Variants in SDK2 observed in about 807,000 individuals in gnomAD.
SDK2 encodes protein sidekick-2.
SDK2 carries 105 observed loss-of-function variants against 253.9 expected under a neutral mutation model. That is an observed-to-expected ratio of 0.41 (90% CI 0.35 to 0.49). SDK2 has a LOEUF of 0.49. SDK2 is among the 20% of genes least tolerant of loss of function. SDK2 has a pLI of 0.06. For synonymous variants in SDK2, 1,249 were observed against 1,234.9 expected (o/e 1.01, Z -0.24); for missense variants, 2,608 against 3,003.0 (o/e 0.87, Z 3.07).
chr17:73,408,866 G>A (rs1179373293), intron 18 of SDK2, among the ~76,000 whole-genome samples: 1 of 152,196 alleles, frequency 6.6e-6, no homozygotes, highest in Non-Finnish European at 1.5e-5. Context: ...CGGCAATCAA[G>A]AGAATTTGAA....
chr17:73,538,229 T>A (rs1315089330), intron 1 of SDK2, among the ~76,000 whole-genome samples: 2 of 152,212 alleles, frequency 1.3e-5, no homozygotes, highest in African/African-American at 2.4e-5. Context: ...ACAGGGAAAC[T>A]GAGGCACAGA....
chr17:73,444,794 G>A (rs890981998), intron 5 of SDK2, among the ~76,000 whole-genome samples: 4 of 152,150 alleles, frequency 2.6e-5, no homozygotes, highest in African/African-American at 4.8e-5. Context: ...GGTGGGGCAG[G>A]GGTGTGAGCT....
intron 1 of SDK2, among the ~76,000 whole-genome samples, chr17:73,535,708 G>A (rs1230719109): frequency 6.6e-6 from 1 of 152,164 alleles, no homozygotes; most frequent in Admixed American, 6.5e-5. Context: ...AGTGAGCACC[G>A]GCTCTGGCAC....
chr17:73,527,470 C>A (rs182973314), intron 1 of SDK2, among the ~76,000 whole-genome samples: 3 of 152,258 alleles, frequency 2.0e-5, no homozygotes, highest in Middle Eastern at 3.4e-3. Context: ...CTGGCCCATT[C>A]ACATCTGGCT....
chr17:73,553,976 G>A (rs1378686480), intron 1 of SDK2, among the ~76,000 whole-genome samples: 1 of 152,202 alleles, frequency 6.6e-6, no homozygotes, highest in Non-Finnish European at 1.5e-5. Context: ...GAGGACAGGA[G>A]CATGGAGGGA....
chr17:73,621,692 T>C (rs2046134783), intron 1 of SDK2, among the ~76,000 whole-genome samples: 1 of 151,972 alleles, frequency 6.6e-6, no homozygotes. Flanking sequence ...CTGGATGGGC[T>C]TAACCAAAAC....
chr17:73,407,614 T>C (rs971944520), intron 18 of SDK2, among the ~76,000 whole-genome samples: 1 of 151,758 alleles, frequency 6.6e-6, no homozygotes, highest in African/African-American at 2.4e-5. Flanking sequence ...GAAATAGAGA[T>C]AGCGGGGGCG....
chr17:73,462,384 A>G (rs1342757530), intron 3 of SDK2, among the ~76,000 whole-genome samples: 1 of 152,064 alleles, frequency 6.6e-6, no homozygotes, highest in East Asian at 1.9e-4. Context: ...GTATGTTTAC[A>G]TGTATGAATA....
At chr17:73,598,065 C>T (rs72847606) in intron 1 of SDK2, among the ~76,000 whole-genome samples, 28,212 of 151,986 alleles carry the variant, frequency 0.19, 2,812 homozygotes, top group African/African-American at 0.21. Flanking sequence ...AGCTGGTGTC[C>T]GAGTTGTTCT....
chr17:73,515,621 G>A (rs1430241422), intron 1 of SDK2, among the ~76,000 whole-genome samples: 1 of 152,248 alleles, frequency 6.6e-6, no homozygotes, highest in Non-Finnish European at 1.5e-5. Context: ...AACGCATGCA[G>A]GCGTGGGGGC....
intron 9 of SDK2, among the ~76,000 whole-genome samples, chr17:73,434,385 G>A (rs1348830147): frequency 1.3e-5 from 2 of 152,214 alleles, no homozygotes; most frequent in Non-Finnish European, 2.9e-5. Flanking sequence ...CTCGCCAGAT[G>A]GGCGTGGGAA....
Position 73,352,531 on chromosome 17 carries a change from G to A in SDK2, c.5700C>T (p.Val1900=), listed in dbSNP as rs1318664205. The change falls in exon 41 of 45, where the codon GTC becomes GTT. Residue 1900 remains valine, a synonymous_variant. Transcript: ENST00000392650. This position sits in a 1 kb window ranked among gnomAD's most constrained non-coding sequence, Gnocchi z 4.1. ...CGAAACCATAGTCGTTGACCGCGAT[G>A]ACCCGGAAGTCATAGCTCACGCCCG... The part of the protein sequence containing the change: ...LKPGVSYDFR[V]IAVNDYGFGT... 1 of 1,614,042 alleles carries A rather than the reference G, an allele frequency of 6.2e-7. No homozygotes were observed. Among genetic ancestry groups the A allele is most frequent in the Non-Finnish European group, 8.5e-7 (1 of 1,179,890 alleles).
At chr17:73,505,689 A>C (rs1275648008) in intron 2 of SDK2, among the ~76,000 whole-genome samples, 3 of 146,256 alleles carry the variant, frequency 2.1e-5, no homozygotes, top group African/African-American at 7.9e-5. Flanking sequence ...GCTGGACCTC[A>C]TCATCATCAT....
In SDK2 at chr17:73,587,326, C is replaced by A. The variant is rs371000564; in HGVS notation, c.64+56699G>T. Among the ~76,000 whole-genome samples, 8 of 152,296 alleles carry A rather than the reference C, an allele frequency of 5.3e-5. No individual in the cohort carries two copies. The East Asian group carries it at 1.5e-3, about 29-fold the overall frequency. ...CCCGAGGTGGAGCCAGGAGCCTGGA[C>A]GGGCCAGGGCAGAGCCTGGACAGAG... On this transcript the variant is annotated intron_variant, in intron 1 of 44. Transcript: ENST00000392650.
intron 1 of SDK2, among the ~76,000 whole-genome samples, chr17:73,553,908 G>C (rs1281902685): frequency 6.6e-6 from 1 of 152,136 alleles, no homozygotes; most frequent in Non-Finnish European, 1.5e-5. Context: ...TCTTCAAGGG[G>C]AGATACCTAG....
Position 73,412,136 on chromosome 17 carries a change from G to GTGTATATGTATATA in SDK2, c.2484+2494_2484+2507dup, listed in dbSNP as rs1186248865. On this transcript the variant is annotated intron_variant, in intron 18 of 44. Coordinates refer to ENST00000392650, the MANE Select transcript of SDK2 (RefSeq NM_001144952.2). ...TATATGTATACGTATATATGTGTAT[G>GTGTATATGTATATA]TGTATATGTATATATACGTATATAT... Among the ~76,000 whole-genome samples the GTGTATATGTATATA allele has an allele frequency of 7.5e-4, 52 of 68,974 alleles. 3 individuals are homozygous for GTGTATATGTATATA. Among genetic ancestry groups the GTGTATATGTATATA allele is most frequent in the African/African-American group, 2.4e-3 (45 of 18,998 alleles). 45.2% of individuals were successfully genotyped at this position (68,974 alleles called of 152,430 possible). A position where few individuals can be genotyped will look rare whatever the true frequency, so the allele number is the denominator to read the frequency against.
chr17:73,560,960 T>G (rs2045223925), intron 1 of SDK2, among the ~76,000 whole-genome samples: 1 of 152,132 alleles, frequency 6.6e-6, no homozygotes, highest in African/African-American at 2.4e-5. Flanking sequence ...GGTGTGCCAC[T>G]GGGCCAGGCA....
At chr17:73,389,308 C>T in intron 29 of SDK2, among the ~76,000 whole-genome samples, 1 of 151,142 alleles carries the variant, frequency 6.6e-6, no homozygotes, top group African/African-American at 2.4e-5. Context: ...CTCAGCCTTC[C>T]AAGTAGCTGG....
rs138499424 is a variant in SDK2 at position 73,545,264 on chromosome 17, G to A, written c.65-37667C>T. Among the ~76,000 whole-genome samples, 712 of 152,144 alleles carry A rather than the reference G, an allele frequency of 4.7e-3. 4 individuals carry two copies. The highest frequency in any genetic ancestry group is 0.016 in the African/African-American group (666 of 41,508). On this transcript the variant is annotated intron_variant, in intron 1 of 44. Transcript: ENST00000392650. ...GCCCCTGCTGGACTCGCTCAACCCC[G>A]CCCTGCTTCTTCCCCAGCTGCCGAG...
Sources: allele counts gnomAD v4.1 joint callset (sites outside exome capture counted in the v4.1 genomes callset), GRCh38; gene constraint gnomAD v4.1.1; non-coding constraint Gnocchi (gnomAD v3.1); transcripts MANE v1.5; gene names NCBI Gene and HGNC (gene_info 2026-07-23, HGNC 2026-07-21).